The following PRKN variants were observed in gnomAD, a reference collection of about 807,000 sequenced individuals.
PRKN encodes the protein E3 ubiquitin-protein ligase parkin.
A neutral mutation model predicts 59.5 loss-of-function variants in PRKN; 56 were observed. The observed-to-expected ratio is 0.94, with a 90% CI of 0.76 to 1.18. The LOEUF is 1.18. Among genes scored for constraint, PRKN ranks in the 50% most tolerant of loss-of-function variants. The pLI, the probability that PRKN is intolerant of heterozygous loss-of-function variation, is 0.00. For missense variants in PRKN, 657 were observed against 596.4 expected, an observed-to-expected ratio of 1.10 and a Z score of -1.06; for synonymous variants, 250 against 222.1, an observed-to-expected ratio of 1.13 and a Z score of -1.12.
At chr6:161,455,377 T>G (rs1789920765) in intron 9 of PRKN, among the ~76,000 whole-genome samples, 3 of 152,128 alleles carry the variant, frequency 2.0e-5, no homozygotes, top group South Asian at 4.1e-4. Flanking sequence ...ATGGCCAGCA[T>G]GCAGAAAACA....
Position 162,636,289 on chromosome 6 carries a change from T to C in PRKN, c.7+91373A>G, listed in dbSNP as rs1777708669. Among the ~76,000 whole-genome samples the C allele has an allele frequency of 2.0e-5, 3 of 152,214 alleles. No individual in the cohort carries two copies. In the South Asian group the frequency reaches 6.2e-4, roughly 31 times the overall value. ...AAATCTTAGTGACATAAATTTTTGCTTTAAGCCCAACATGAAATAAATAGC... is the reference window on the plus strand; with the variant it reads ...AAATCTTAGTGACATAAATTTTTGCCTTAAGCCCAACATGAAATAAATAGC... On this transcript the variant is annotated intron_variant, in intron 1 of 11. Coordinates refer to ENST00000366898, the MANE Select transcript of PRKN (RefSeq NM_004562.3).
Position 161,500,182 on chromosome 6 carries a change from G to A in PRKN, c.1083+48672C>T, listed in dbSNP as rs143611833. Among the ~76,000 whole-genome samples, 480 of 152,062 alleles carry A rather than the reference G, an allele frequency of 3.2e-3. 4 individuals carry two copies. The highest frequency in any genetic ancestry group is 0.011 in the African/African-American group (457 of 41,468). ...ATTTTTAAAGACAGTTTAATTTCAC[G>A]GCAAAATTGAGCAGAGTACAGAGAG... On this transcript the variant is annotated intron_variant, in intron 9 of 11. Transcript: ENST00000366898.
intron 2 of PRKN, among the ~76,000 whole-genome samples, chr6:162,433,032 T>C (rs534191903): frequency 2.6e-5 from 4 of 152,352 alleles, no homozygotes; most frequent in East Asian, 1.9e-4. Context: ...AAGTGTGGAA[T>C]AGGCAATTTG....
intron 2 of PRKN, among the ~76,000 whole-genome samples, chr6:162,360,176 C>T (rs1175884308): frequency 2.0e-5 from 3 of 151,932 alleles, no homozygotes. Flanking sequence ...TCTGTCTTAT[C>T]GCACCCCTTT....
chr6:161,685,302 T>C (rs1785513203), intron 7 of PRKN, among the ~76,000 whole-genome samples: 2 of 152,312 alleles, frequency 1.3e-5, no homozygotes, highest in Non-Finnish European at 2.9e-5. Flanking sequence ...CAGATGACCC[T>C]AGTGCCTTGC....
chr6:161,564,525 C>A (rs567061063), intron 8 of PRKN, among the ~76,000 whole-genome samples: 1 of 152,154 alleles, frequency 6.6e-6, no homozygotes, highest in African/African-American at 2.4e-5. Flanking sequence ...CTGAAACAGG[C>A]GTGTCCCTGA....
At chr6:162,640,759 G>C (rs1049772123) in intron 1 of PRKN, among the ~76,000 whole-genome samples, 2 of 152,160 alleles carry the variant, frequency 1.3e-5, no homozygotes, top group Non-Finnish European at 2.9e-5. Flanking sequence ...GTAAGGCTGT[G>C]CTTGACAATT....
rs575981048 is a variant in PRKN, at chr6:161,836,646, G to A, written c.735-50738C>T. ...ATATGCCTCTCCAGGATTTCTCCAC[G>A]GAGAAAAACCTAAGAGTAAGTTCAT... On this transcript the variant is annotated intron_variant, in intron 6 of 11. Transcript: ENST00000366898. Among the ~76,000 whole-genome samples, 3 of 152,138 alleles carry A rather than the reference G, an allele frequency of 2.0e-5. No individual in the cohort carries two copies. The East Asian group carries it at 5.8e-4, about 29-fold the overall frequency.
chr6:161,697,786 G>A lies in PRKN; in HGVS notation c.871+87986C>T, dbSNP rs1223387616. ...ACTCTTTAATTAAACATCAAGGAGGGACAATTACTGAAAATCAATCCCTGG... is the reference window on the plus strand; with the variant it reads ...ACTCTTTAATTAAACATCAAGGAGGAACAATTACTGAAAATCAATCCCTGG... On this transcript the variant is annotated intron_variant, in intron 7 of 11. Transcript: ENST00000366898. 3.3e-5 allele frequency among the ~76,000 whole-genome samples: 5 copies of A among 152,108 alleles called. 1 individual carries two copies. Among genetic ancestry groups the A allele is most frequent in the Non-Finnish European group, 7.4e-5 (5 of 68,016 alleles).
chr6:161,418,966 T>C (rs1428303259), intron 9 of PRKN, among the ~76,000 whole-genome samples: 3 of 152,178 alleles, frequency 2.0e-5, no homozygotes, highest in Admixed American at 2.0e-4. Context: ...TGGTGTTGCC[T>C]ACACAGAAAC....
chr6:162,513,222 T>C (rs993934966), intron 1 of PRKN, among the ~76,000 whole-genome samples: 5 of 152,148 alleles, frequency 3.3e-5, no homozygotes, highest in African/African-American at 4.8e-5. Context: ...CTCATGCCTA[T>C]AAGCCCAGCA....
At chr6:162,450,842 A>C (rs1005686722) in intron 1 of PRKN, among the ~76,000 whole-genome samples, 1 of 152,180 alleles carries the variant, frequency 6.6e-6, no homozygotes, top group African/African-American at 2.4e-5. Flanking sequence ...AAAACTAAGA[A>C]TATCCAAATA....
chr6:162,204,471 GA>G, intron 3 of PRKN, among the ~76,000 whole-genome samples: 1 of 152,182 alleles, frequency 6.6e-6, no homozygotes, highest in Middle Eastern at 3.4e-3. Context: ...AAACAATTTA[GA>G]AAAAAATATC....
rs946158798 is a variant in PRKN, at chr6:161,499,155, C to T, written c.1083+49699G>A. Among the ~76,000 whole-genome samples, 7 of 148,366 alleles carry T rather than the reference C, an allele frequency of 4.7e-5. No homozygotes were observed. Among genetic ancestry groups the T allele is most frequent in the Non-Finnish European group, 7.4e-5 (5 of 67,502 alleles). ...ACATTTTTTTTTTTTTTTTGGCTCACAGAGTGCTTGAAAAGAATCTAAGAC... is the reference window on the plus strand; with the variant it reads ...ACATTTTTTTTTTTTTTTTGGCTCATAGAGTGCTTGAAAAGAATCTAAGAC... On this transcript the variant is annotated intron_variant, in intron 9 of 11. Coordinates refer to ENST00000366898, the MANE Select transcript of PRKN (RefSeq NM_004562.3). The surrounding 1 kb of genome is among the most constrained non-coding windows in gnomAD (Gnocchi z 4.2).
At chr6:161,818,330 A>AT (rs11406749) in intron 6 of PRKN, among the ~76,000 whole-genome samples, 81,797 of 148,402 alleles carry the variant, frequency 0.55, 22,908 homozygotes, top group African/African-American at 0.66. Flanking sequence ...ACTTGTTTTA[A>AT]TTTTTTTTTT....
chr6:162,445,278 C>T (rs1041241837), intron 1 of PRKN, among the ~76,000 whole-genome samples: 4 of 152,124 alleles, frequency 2.6e-5, no homozygotes, highest in African/African-American at 4.8e-5. Flanking sequence ...GAATGGGACC[C>T]ACTTTTCTAA....
chr6:161,973,222 T>G, intron 6 of PRKN, 80 bp downstream of exon 6: 1 of 909,350 alleles, frequency 1.1e-6, no homozygotes, highest in Non-Finnish European at 1.8e-6. Flanking sequence ...ATTGGGAAAG[T>G]AAGGAGGGGG....
chr6:162,513,079 C>A (rs1161895401), intron 1 of PRKN, among the ~76,000 whole-genome samples: 1 of 152,044 alleles, frequency 6.6e-6, no homozygotes. Flanking sequence ...GAATGCTTCT[C>A]AGGGAAAATT....
intron 4 of PRKN, among the ~76,000 whole-genome samples, chr6:162,184,453 C>T (rs1331565830): frequency 6.6e-6 from 1 of 152,116 alleles, no homozygotes; most frequent in Non-Finnish European, 1.5e-5. Context: ...GGCGATTTCA[C>T]CCATGCTAGT....
Sources: gnomAD v4.1 joint callset for allele counts (sites outside exome capture counted in the v4.1 genomes callset) on GRCh38, gnomAD v4.1.1 for gene constraint, Gnocchi (gnomAD v3.1) non-coding constraint, MANE v1.5 for transcripts, NCBI Gene and HGNC (gene_info 2026-07-23, HGNC 2026-07-21) for gene names.